RAB38: variants seen among roughly 807,000 people sequenced by gnomAD.
RAB38 encodes ras-related protein Rab-38.
A neutral mutation model predicts 18.4 loss-of-function variants in RAB38; 15 were observed. That is an observed-to-expected ratio of 0.82 (90% CI 0.55 to 1.26). RAB38 has a LOEUF of 1.26. RAB38 is among the 50% of genes most tolerant of loss of function. The pLI, the probability that RAB38 is intolerant of heterozygous loss-of-function variation, is 0.00. For synonymous variants in RAB38, 101 were observed against 104.4 expected, an observed-to-expected ratio of 0.97 and a Z score of 0.20; for missense variants, 294 against 267.4, an observed-to-expected ratio of 1.10 and a Z score of -0.69.
chr11:87,856,378 TCTGAGTAAC>T, the RAB38 span, among the ~76,000 whole-genome samples: 1 of 152,180 alleles, frequency 6.6e-6, no homozygotes, highest in Non-Finnish European at 1.5e-5. Context: ...ATTCTGAGTC[TCTGAGTAAC>T]TGTGTGGAGC....
At chr11:87,902,808 C>T in the RAB38 span, among the ~76,000 whole-genome samples, 1 of 150,858 alleles carries the variant, frequency 6.6e-6, no homozygotes. Context: ...TTTATAACAG[C>T]TCACTGACAA....
At chr11:88,164,256 C>CGGCGGGGGGGGGGGGGGGG (rs1318397492) in intron 1 of RAB38, among the ~76,000 whole-genome samples, 4 of 109,116 alleles carry the variant, frequency 3.7e-5, no homozygotes, top group African/African-American at 1.0e-4. Flanking sequence ...AAGGTGCTCT[C>CGGCGGGGGGGGGGGGGGGG]GGTGGGGGGG....
the RAB38 span, among the ~76,000 whole-genome samples, chr11:87,956,807 G>A: frequency 6.6e-6 from 1 of 152,018 alleles, no homozygotes; most frequent in Non-Finnish European, 1.5e-5. Flanking sequence ...CAAACCTGGA[G>A]AGAAGGAATG....
At chr11:88,079,694 T>A in the RAB38 span, among the ~76,000 whole-genome samples, 4 of 151,684 alleles carry the variant, frequency 2.6e-5, no homozygotes, top group Non-Finnish European at 5.9e-5. Flanking sequence ...ATGTAATACA[T>A]CATTAGCAAA....
the RAB38 span, among the ~76,000 whole-genome samples, chr11:88,071,873 G>A: frequency 1.3e-5 from 2 of 152,170 alleles, no homozygotes; most frequent in Non-Finnish European, 2.9e-5. Context: ...AAGCTCTGGT[G>A]TATTGAGACT....
chr11:87,874,416 T>C, the RAB38 span, among the ~76,000 whole-genome samples: 285 of 150,910 alleles, frequency 1.9e-3, no homozygotes, highest in African/African-American at 6.5e-3. Flanking sequence ...AATTAAAAAA[T>C]GGGCAAAGGA....
the RAB38 span, among the ~76,000 whole-genome samples, chr11:88,036,825 C>G: frequency 6.6e-6 from 1 of 151,818 alleles, no homozygotes; most frequent in African/African-American, 2.4e-5. Context: ...TAATATGAGT[C>G]TTTAATCTCC....
At chr11:88,042,368 G>A in the RAB38 span, among the ~76,000 whole-genome samples, 1 of 152,194 alleles carries the variant, frequency 6.6e-6, no homozygotes, top group African/African-American at 2.4e-5. Context: ...AGAAGCTGGA[G>A]TGGGAGGAGC....
At chr11:87,848,234 G>A in the RAB38 span, among the ~76,000 whole-genome samples, 2 of 152,274 alleles carry the variant, frequency 1.3e-5, no homozygotes, top group East Asian at 3.9e-4. Context: ...GGTAGAGGAT[G>A]TTCCAAAGGA....
chr11:87,856,727 T>C, the RAB38 span, among the ~76,000 whole-genome samples: 2 of 152,170 alleles, frequency 1.3e-5, no homozygotes, highest in African/African-American at 4.8e-5. Context: ...CTTTTTAATT[T>C]TAATTTTACT....
At chr11:88,115,237 G>A (rs1447951605) in intron 2 of RAB38, among the ~76,000 whole-genome samples, 2 of 143,950 alleles carry the variant, frequency 1.4e-5, no homozygotes, top group African/African-American at 5.6e-5. Flanking sequence ...CTTCTTTGAT[G>A]TATTTCTTCA....
the RAB38 span, among the ~76,000 whole-genome samples, chr11:87,938,079 G>A: frequency 1.3e-5 from 2 of 151,784 alleles, no homozygotes; most frequent in East Asian, 1.9e-4. Context: ...TAAACCTTCC[G>A]TTTTAGCTCG....
At chr11:87,849,485 G>T in the RAB38 span, among the ~76,000 whole-genome samples, 28 of 152,208 alleles carry the variant, frequency 1.8e-4, no homozygotes, top group African/African-American at 6.5e-4. Context: ...CACACAGACA[G>T]AACTGTTCCC....
At chr11:87,811,484 G>A in the RAB38 span, among the ~76,000 whole-genome samples, 2 of 151,994 alleles carry the variant, frequency 1.3e-5, no homozygotes, top group African/African-American at 4.8e-5. Context: ...ACCTCTTCAG[G>A]CCTGATTTCC....
the RAB38 span, among the ~76,000 whole-genome samples, chr11:88,025,436 C>A: frequency 9.9e-5 from 15 of 152,078 alleles, no homozygotes; most frequent in African/African-American, 3.4e-4. Context: ...CTCTGCTTTA[C>A]GCTCTTTGAG....
At chr11:88,057,819 T>A in the RAB38 span, among the ~76,000 whole-genome samples, 4 of 152,152 alleles carry the variant, frequency 2.6e-5, no homozygotes, top group African/African-American at 4.8e-5. Flanking sequence ...TTGCTTAGGA[T>A]CTTTTATCTG....
the RAB38 span, among the ~76,000 whole-genome samples, chr11:88,069,110 G>A: frequency 2.6e-5 from 4 of 152,220 alleles, no homozygotes; most frequent in Admixed American, 1.3e-4. Flanking sequence ...GCGAGCTCCC[G>A]GTGGGCATGA....
At chr11:88,003,789 ATAATATATTGT>A in the RAB38 span, among the ~76,000 whole-genome samples, 333 of 11,384 alleles carry the variant, frequency 0.029, 69 homozygotes, top group African/African-American at 0.04. Flanking sequence ...TATAATATAT[ATAATATATTGT>A]ATATATTATA....
At chr11:88,028,072 A>G in the RAB38 span, among the ~76,000 whole-genome samples, 2 of 152,238 alleles carry the variant, frequency 1.3e-5, no homozygotes, top group African/African-American at 2.4e-5. Context: ...ACGGTTCAAG[A>G]AAAACCACTG....
Sources: allele counts gnomAD v4.1 joint callset (sites outside exome capture counted in the v4.1 genomes callset), GRCh38; gene constraint gnomAD v4.1.1; transcripts MANE v1.5; gene names NCBI Gene and HGNC (gene_info 2026-07-23, HGNC 2026-07-21).